The following CCDC148 variants were observed in gnomAD, a reference collection of about 807,000 sequenced individuals.
CCDC148 encodes the protein coiled-coil domain-containing protein 148.
A neutral mutation model predicts 85.7 loss-of-function variants in CCDC148; 89 were observed. That is an observed-to-expected ratio of 1.04 (90% CI 0.87 to 1.24). CCDC148 has a LOEUF of 1.24. Ranked by LOEUF, CCDC148 falls within the 50% of genes most tolerant of loss-of-function variation. The pLI is 0.00. For missense variants in CCDC148, 692 were observed against 671.7 expected (o/e 1.03, Z -0.33); for synonymous variants, 230 against 213.9 (o/e 1.08, Z -0.66).
chr2:158,330,270 T>C (rs1038852636), intron 7 of CCDC148, among the ~76,000 whole-genome samples: 2 of 152,228 alleles, frequency 1.3e-5, no homozygotes, highest in African/African-American at 4.8e-5. Context: ...GATAATCATA[T>C]GGTTTTTGTC....
At chr2:158,418,307 T>G (rs2105320564) in intron 1 of CCDC148, among the ~76,000 whole-genome samples, 1 of 152,272 alleles carries the variant, frequency 6.6e-6, no homozygotes, top group Admixed American at 6.5e-5. Context: ...TAATATATGG[T>G]TTTCTCTGTA....
Position 158,340,242 on chromosome 2 carries a change from CT to C in CCDC148, c.485del (p.Glu162GlyfsTer5), listed in dbSNP as rs1398597123. ...TGGAAAATAAAGGTAACATACTAAC[CT>C]CTTCCAATACTTTCATGGAGTTAAA... is the stretch of plus-strand genomic sequence containing the variant. ...IEFNSMKVLE[E>X]VDFVKKQLKT... On this transcript the variant is annotated frameshift_variant and splice_region_variant, in exon 5 of 14. Transcript: ENST00000283233. LOFTEE classifies it high-confidence loss of function. 6.2e-7 allele frequency: 1 copy of C among 1,613,004 alleles called. No individual in the cohort carries two copies. The highest frequency in any genetic ancestry group is 1.7e-5 in the Admixed American group (1 of 59,858).
chr2:158,392,350 C>T lies in CCDC148; in HGVS notation c.26-33780G>A, dbSNP rs965265190. 5.3e-5 allele frequency among the ~76,000 whole-genome samples: 8 copies of T among 152,208 alleles called. No individual in the cohort carries two copies. The South Asian group carries it at 1.4e-3, about 28-fold the overall frequency. On this transcript the variant is annotated intron_variant, in intron 1 of 13. Coordinates refer to ENST00000283233, the MANE Select transcript of CCDC148 (RefSeq NM_138803.4). The stretch of plus-strand genomic sequence containing the variant: ...GTAACTTTTTTATTACATATGCCTA[C>T]TAATGCACTTTTCAGCATGTTCTGT...
At chr2:158,315,520 T>C (rs556425032) in intron 7 of CCDC148, among the ~76,000 whole-genome samples, 58 of 152,144 alleles carry the variant, frequency 3.8e-4, no homozygotes, top group Admixed American at 8.5e-4. Flanking sequence ...TTTATTTGAT[T>C]ATAAATGTGG....
chr2:158,179,729 C>CTAAATTAT (rs1318547595), intron 11 of CCDC148, among the ~76,000 whole-genome samples: 1 of 152,120 alleles, frequency 6.6e-6, no homozygotes, highest in Non-Finnish European at 1.5e-5. Flanking sequence ...AATAATATGT[C>CTAAATTAT]TAAATTATTT....
intron 2 of CCDC148, among the ~76,000 whole-genome samples, chr2:158,345,618 C>A (rs1288853788): frequency 2.0e-5 from 3 of 152,102 alleles, no homozygotes; most frequent in African/African-American, 7.2e-5. Flanking sequence ...ATTCATATAA[C>A]CCCAGAAAAG....
chr2:158,218,557 T>A (rs1687009785), intron 11 of CCDC148, among the ~76,000 whole-genome samples: 1 of 152,344 alleles, frequency 6.6e-6, no homozygotes, highest in Middle Eastern at 3.4e-3. Flanking sequence ...GCTCCCTGAC[T>A]ATGAGGGGTA....
intron 1 of CCDC148, among the ~76,000 whole-genome samples, chr2:158,426,452 G>C (rs1407109158): frequency 6.6e-6 from 1 of 152,140 alleles, no homozygotes; most frequent in Non-Finnish European, 1.5e-5. Context: ...ATGTAGGAAG[G>C]AATAGTGCAA....
At chr2:158,431,501 A>G (rs536050685) in intron 1 of CCDC148, among the ~76,000 whole-genome samples, 136 of 150,948 alleles carry the variant, frequency 9.0e-4, no homozygotes, top group Non-Finnish European at 1.7e-3. Flanking sequence ...AAAAAAAAAA[A>G]CCTGTCAATT....
intron 2 of CCDC148, among the ~76,000 whole-genome samples, chr2:158,355,258 A>G (rs369702616): frequency 3.2e-4 from 48 of 152,194 alleles, no homozygotes; most frequent in Non-Finnish European, 4.9e-4. Flanking sequence ...GAAATAAAGG[A>G]TATTCAATTA....
At chr2:158,173,513 G>A (rs776468749) in intron 13 of CCDC148, among the ~76,000 whole-genome samples, 2 of 152,020 alleles carry the variant, frequency 1.3e-5, no homozygotes, top group Non-Finnish European at 2.9e-5. Flanking sequence ...AATGGAGGCC[G>A]AGAGAGTGGT....
At chr2:158,321,343 CCCAGGATGTTGGGTGAGGGGTCATCTAA>C (rs1311409294) in intron 7 of CCDC148, among the ~76,000 whole-genome samples, 1 of 152,120 alleles carries the variant, frequency 6.6e-6, no homozygotes, top group Admixed American at 6.5e-5. Context: ...GCTGCAGTGA[CCCAGGATGTTGGGTGAGGGGTCATCTAA>C]CCAACGAGAC....
chr2:158,209,372 C>T (rs1686430898), intron 11 of CCDC148, among the ~76,000 whole-genome samples: 1 of 152,130 alleles, frequency 6.6e-6, no homozygotes, highest in Admixed American at 6.6e-5. Context: ...TATTTCATTA[C>T]TTAAAACTAC....
chr2:158,314,858 T>G (rs1270327137), intron 7 of CCDC148, among the ~76,000 whole-genome samples: 1 of 152,210 alleles, frequency 6.6e-6, no homozygotes, highest in African/African-American at 2.4e-5. Flanking sequence ...AACTGTGCAT[T>G]TCAAAGAATT....
At chr2:158,180,494 G>A (rs958130369) in intron 11 of CCDC148, among the ~76,000 whole-genome samples, 7 of 152,264 alleles carry the variant, frequency 4.6e-5, no homozygotes, top group Admixed American at 2.6e-4. Context: ...CACGGAGGAG[G>A]CAGTATCTGA....
intron 10 of CCDC148, chr2:158,236,284 T>C (rs1688103189): frequency 6.6e-6 from 1 of 152,190 alleles, no homozygotes; most frequent in African/African-American, 2.4e-5. Context: ...TATAACATGA[T>C]GAGCCAAGAA....
chr2:158,359,041 T>G (rs768918696), intron 1 of CCDC148, among the ~76,000 whole-genome samples: 3 of 152,062 alleles, frequency 2.0e-5, no homozygotes, highest in Non-Finnish European at 4.4e-5. Context: ...AAAAAACGGT[T>G]GAAACTGAAA....
chr2:158,338,967 A>G, intron 6 of CCDC148, 23 bp downstream of exon 6: 2 of 1,603,136 alleles, frequency 1.2e-6, no homozygotes, highest in Non-Finnish European at 1.7e-6. Flanking sequence ...AAACACATAA[A>G]TTATTAGCCA....
At chr2:158,252,073 T>C (rs571331146) in intron 9 of CCDC148, among the ~76,000 whole-genome samples, 9 of 151,786 alleles carry the variant, frequency 5.9e-5, no homozygotes, top group African/African-American at 2.2e-4. Context: ...TGTAGAGGTA[T>C]GCAAAATTCT....
Sources: gnomAD v4.1 joint callset for allele counts (sites outside exome capture counted in the v4.1 genomes callset) on GRCh38, gnomAD v4.1.1 for gene constraint, MANE v1.5 for transcripts, NCBI Gene and HGNC (gene_info 2026-07-23, HGNC 2026-07-21) for gene names.